Variants in AKR7A3 observed in about 807,000 individuals in gnomAD.
The protein encoded by AKR7A3 is AFB1 aldehyde reductase 2.
Under a neutral mutation model 32.5 loss-of-function variants are expected in AKR7A3, and 37 were observed. That is an observed-to-expected ratio of 1.14 (90% CI 0.88 to 1.50). AKR7A3 has a LOEUF of 1.50. Among genes scored for constraint, AKR7A3 ranks in the 40% most tolerant of loss-of-function variants. The probability of loss-of-function intolerance (pLI) is 0.00; values close to 1 mark genes in which losing one functional copy is unlikely to be tolerated. For synonymous variants in AKR7A3, 177 were observed against 188.4 expected, an observed-to-expected ratio of 0.94 and a Z score of 0.50; for missense variants, 412 against 453.2, an observed-to-expected ratio of 0.91 and a Z score of 0.83.
At chr1:19,278,264 A>G (rs2093713917), downstream of AKR7A3, among the ~76,000 whole-genome samples, 1 of 151,712 alleles carries the variant, frequency 6.6e-6, no homozygotes. Context: ...TGTTTTTTAA[A>G]AACAACTGTA....
chr1:19,285,854 T>C, intron 3 of AKR7A3, 34 bp downstream of exon 3: 2 of 1,612,812 alleles, frequency 1.2e-6, no homozygotes, highest in South Asian at 1.1e-5. Context: ...GCAGGAGTTC[T>C]GGAGACCTTG....
At chr1:19,278,425 G>A (rs1158664886), downstream of AKR7A3, among the ~76,000 whole-genome samples, 1 of 151,692 alleles carries the variant, frequency 6.6e-6, no homozygotes, top group African/African-American at 2.4e-5. Context: ...GCCAGATGTG[G>A]TGGCACACGC....
At chr1:19,286,806 G>A (rs1404013114) in intron 1 of AKR7A3, among the ~76,000 whole-genome samples, 2 of 151,810 alleles carry the variant, frequency 1.3e-5, no homozygotes, top group Non-Finnish European at 2.9e-5. Context: ...TGGCAGGAGG[G>A]CAGTCACTGG....
At chr1:19,284,185 G>C (rs1399457382) in intron 5 of AKR7A3, 60 bp from the exon 6 acceptor site, 12 of 1,557,552 alleles carry the variant, frequency 7.7e-6, no homozygotes, top group Non-Finnish European at 1.0e-5. Context: ...CAACCAAAGA[G>C]CCAACCAGGG....
downstream of AKR7A3, among the ~76,000 whole-genome samples, chr1:19,282,122 G>C (rs185155594): frequency 1.0e-3 from 155 of 151,548 alleles, 1 homozygote; most frequent in Middle Eastern, 0.01. Flanking sequence ...TGACATTTGC[G>C]GGGGGGTGGT....
At position 19,285,252 on chromosome 1, in the gene AKR7A3, G is replaced by A. The variant is rs1392415552; in HGVS notation, c.508-138C>T. ...TCTGGGCGTATACTTATTCTAACTG[G>A]TGCTGGTGAAAGAAGCTTATGCCCA... On this transcript the variant is annotated intron_variant, in intron 3 of 6. Coordinates refer to ENST00000361640, the MANE Select transcript of AKR7A3 (RefSeq NM_012067.3). 2.6e-5 allele frequency: 21 copies of A among 817,886 alleles called. 1 individual carries two copies. The highest frequency in any genetic ancestry group is 4.1e-5 in the Non-Finnish European group (21 of 514,346). 50.7% of individuals were successfully genotyped at this position (817,886 alleles called of 1,614,324 possible). A position where few individuals can be genotyped will look rare whatever the true frequency, so the allele number is the denominator to read the frequency against.
intron 6 of AKR7A3, 120 bp from the exon 7 acceptor site, chr1:19,283,012 A>G (rs955241181): frequency 3.8e-6 from 4 of 1,058,332 alleles, no homozygotes; most frequent in Admixed American, 3.8e-5. Flanking sequence ...GTCCAGAAAG[A>G]ACTTAAGGTG....
rs1249171207 is a variant in AKR7A3, at chr1:19,284,787, T to C, written c.605-2A>G. ...TGTACTTGCCGGTCAGCAGGCCCCC[T>C]GAGGGAAAGCAGCAATCAGCCCCGG... On this transcript the variant is annotated splice_acceptor_variant, in intron 4 of 6. Transcript: ENST00000361640. LOFTEE classifies it high-confidence loss of function. 6.2e-7 allele frequency: 1 copy of C among 1,613,662 alleles called. No homozygotes were observed. The highest frequency in any genetic ancestry group is 8.5e-7 in the Non-Finnish European group (1 of 1,179,934).
chr1:19,284,921 G>C, intron 4 of AKR7A3, 97 bp downstream of exon 4: 1 of 1,585,518 alleles, frequency 6.3e-7, no homozygotes, highest in African/African-American at 1.4e-5. Flanking sequence ...GACCTCAGAG[G>C]TCAAAGTTTG....
chr1:19,282,656 A>C lies in AKR7A3; in HGVS notation c.*75T>G. 1 of 1,606,724 alleles carries C rather than the reference A, an allele frequency of 6.2e-7. No homozygotes were observed. The highest frequency in any genetic ancestry group is 8.5e-7 in the Non-Finnish European group (1 of 1,175,770). On this transcript the variant is annotated 3_prime_UTR_variant, in exon 7 of 7. Coordinates refer to ENST00000361640, the MANE Select transcript of AKR7A3 (RefSeq NM_012067.3). ...TCCATCCCTAAGAATTTACTGAGGCAGTTCTAAATTAAAGAAAATGTGAGT... is the reference window on the plus strand; with the variant it reads ...TCCATCCCTAAGAATTTACTGAGGCCGTTCTAAATTAAAGAAAATGTGAGT...
chr1:19,288,542 G>A lies in AKR7A3; in HGVS notation c.168C>T (p.Thr56=), dbSNP rs1321465569. ...AFVYSEGQSE[T]ILGGLGLRLG... is the part of the protein sequence containing the mutation. Reference sequence around the variant, plus strand: ...GCCGGAGCCCCAGGCCGCCAAGGATGGTCTCGGACTGGCCCTCGCTGTACA... The same window carrying A: ...GCCGGAGCCCCAGGCCGCCAAGGATAGTCTCGGACTGGCCCTCGCTGTACA... Residue 56 remains threonine, a synonymous_variant, in exon 1 of 7, where the codon ACC becomes ACT. Coordinates refer to ENST00000361640, the MANE Select transcript of AKR7A3 (RefSeq NM_012067.3). 4.3e-6 allele frequency: 7 copies of A among 1,611,038 alleles called. No homozygotes were observed. The highest frequency in any genetic ancestry group is 5.9e-6 in the Non-Finnish European group (7 of 1,179,486).
intron 1 of AKR7A3, among the ~76,000 whole-genome samples, chr1:19,288,049 G>A (rs1378485891): frequency 6.6e-6 from 1 of 152,216 alleles, no homozygotes; most frequent in African/African-American, 2.4e-5. Context: ...AGTGTGCTGG[G>A]TCCAAACTCT....
rs768004426 is a variant in AKR7A3 at position 19,288,487 on chromosome 1, CACT to C, written c.214+6_214+8del. On this transcript the variant is annotated splice_donor_region_variant and intron_variant, in intron 1 of 6. Transcript: ENST00000361640. ...ACCGTGCAGGGGGAGGATCAGGGGC[CACT>C]GTTACCTCTGCAGTCGCTGCCGCCC... 61 of 1,610,006 alleles carry C rather than the reference CACT, an allele frequency of 3.8e-5. No individual in the cohort carries two copies. The highest frequency in any genetic ancestry group is 5.0e-5 in the Non-Finnish European group (59 of 1,179,208).
At chr1:19,281,981 A>G (rs1473027145), downstream of AKR7A3, among the ~76,000 whole-genome samples, 1 of 151,954 alleles carries the variant, frequency 6.6e-6, no homozygotes, top group Non-Finnish European at 1.5e-5. Flanking sequence ...ATACAGGTTC[A>G]TAGGTGGATG....
chr1:19,286,396 T>G, intron 1 of AKR7A3, 24 bp from the exon 2 acceptor site: 1 of 1,610,598 alleles, frequency 6.2e-7, no homozygotes, highest in Non-Finnish European at 8.5e-7. Context: ...GAAATGAAAT[T>G]CAGGGCCAGG....
the AKR7A3 span, among the ~76,000 whole-genome samples, chr1:19,275,148 T>C: frequency 4.6e-5 from 7 of 151,776 alleles, no homozygotes; most frequent in African/African-American, 1.5e-4. Context: ...GAGTGGTTCA[T>C]GCCTGTAATC....
At chr1:19,280,368 A>C (rs2093716913), downstream of AKR7A3, among the ~76,000 whole-genome samples, 1 of 149,364 alleles carries the variant, frequency 6.7e-6, no homozygotes, top group South Asian at 2.1e-4. Flanking sequence ...CTCAGCCACC[A>C]CAGTAGGTGG....
chr1:19,274,899 C>CAAAAAAAAAAAAA, the AKR7A3 span, among the ~76,000 whole-genome samples: 3,843 of 43,446 alleles, frequency 0.088, 684 homozygotes, highest in South Asian at 0.14. Context: ...TCTCTAAATA[C>CAAAAAAAAAAAAA]AAAAAAAAAA....
Position 19,285,129 on chromosome 1 carries a change from G to T in AKR7A3, c.508-15C>A, listed in dbSNP as rs1205472220. On this transcript the variant is annotated splice_polypyrimidine_tract_variant and intron_variant, in intron 3 of 6. Coordinates refer to ENST00000361640, the MANE Select transcript of AKR7A3 (RefSeq NM_012067.3). ...TTGTACATGCCCTGTAAGGAGAGGG[G>T]CCCCGGGGGAGAGGGTGGATGTGTC... is the stretch of plus-strand genomic sequence containing the variant. 4 of 1,613,192 alleles carry T rather than the reference G, an allele frequency of 2.5e-6. No individual in the cohort carries two copies. The highest frequency in any genetic ancestry group is 3.4e-6 in the Non-Finnish European group (4 of 1,179,608).
Sources: gnomAD v4.1 joint callset for allele counts (sites outside exome capture counted in the v4.1 genomes callset) on GRCh38, gnomAD v4.1.1 for gene constraint, MANE v1.5 for transcripts, NCBI Gene and HGNC (gene_info 2026-07-23, HGNC 2026-07-21) for gene names.